The following ADAMTS2 variants were observed in gnomAD, a reference collection of about 807,000 sequenced individuals.
The protein encoded by ADAMTS2 is ADAM metallopeptidase with thrombospondin type 1 motif 2, also known as A disintegrin and metalloproteinase with thrombospondin motifs 2.
A neutral mutation model predicts 123.0 loss-of-function variants in ADAMTS2; 50 were observed. The ratio of observed to expected loss-of-function variants is 0.41; its 90% CI spans 0.32 to 0.51. The LOEUF (loss-of-function observed/expected upper bound fraction) is 0.51. Among genes scored for constraint, ADAMTS2 ranks in the 20% least tolerant of loss-of-function variants. The pLI, the probability that ADAMTS2 is intolerant of heterozygous loss-of-function variation, is 0.35. For missense variants in ADAMTS2, 1,494 were observed against 1,705.2 expected, an observed-to-expected ratio of 0.88 and a Z score of 2.18; for synonymous variants, 678 against 695.4, an observed-to-expected ratio of 0.98 and a Z score of 0.39.
intron 19 of ADAMTS2, among the ~76,000 whole-genome samples, chr5:179,124,430 C>T (rs1561767154): frequency 1.3e-5 from 2 of 152,164 alleles, no homozygotes; most frequent in East Asian, 1.9e-4. Flanking sequence ...TTTGTCCCCT[C>T]CCACCTCTGC....
intron 2 of ADAMTS2, among the ~76,000 whole-genome samples, chr5:179,300,846 GC>G (rs1756495644): frequency 6.6e-6 from 1 of 152,230 alleles, no homozygotes; most frequent in South Asian, 2.1e-4. Context: ...ACGCAAGCCA[GC>G]AGACAGATAA....
intron 10 of ADAMTS2, among the ~76,000 whole-genome samples, chr5:179,143,398 G>A (rs931446090): frequency 1.3e-4 from 20 of 148,944 alleles, no homozygotes; most frequent in Non-Finnish European, 1.0e-4. Context: ...GCGCCACTGC[G>A]CTCCAGGCTG....
rs1756008629 is a variant in ADAMTS2 at position 179,285,990 on chromosome 5, G to T, written c.535-12926C>A. Among the ~76,000 whole-genome samples, 1 of 152,014 alleles carries T rather than the reference G, an allele frequency of 6.6e-6. No homozygotes were observed. The highest frequency in any genetic ancestry group is 1.5e-5 in the Non-Finnish European group (1 of 67,982). Reference sequence around the variant, plus strand: ...GCACTTTGGGAGGCCGAGGCAGGCGGATCACCTGAGGTCAGGAGTTTGAGA... The same window carrying T: ...GCACTTTGGGAGGCCGAGGCAGGCGTATCACCTGAGGTCAGGAGTTTGAGA... On this transcript the variant is annotated intron_variant, in intron 2 of 21. Coordinates refer to ENST00000251582, the MANE Select transcript of ADAMTS2 (RefSeq NM_014244.5). This position sits in a 1 kb window ranked among gnomAD's most constrained non-coding sequence, Gnocchi z 4.9.
In ADAMTS2 at chr5:179,158,398, G is replaced by A. The variant is rs1763527157; in HGVS notation, c.1132+325C>T. 6.6e-6 allele frequency among the ~76,000 whole-genome samples: 1 copy of A among 152,202 alleles called. No homozygotes were observed. The highest frequency in any genetic ancestry group is 1.5e-5 in the Non-Finnish European group (1 of 68,040). ...GTGAGATGCTCTCTGTCTATAGAGTGAGTGGAGGTGACAGGCCTCCTTTCT... is the reference window on the plus strand; with the variant it reads ...GTGAGATGCTCTCTGTCTATAGAGTAAGTGGAGGTGACAGGCCTCCTTTCT... On this transcript the variant is annotated intron_variant, in intron 6 of 21. Coordinates refer to ENST00000251582, the MANE Select transcript of ADAMTS2 (RefSeq NM_014244.5). The surrounding 1 kb of genome is among the most constrained non-coding windows in gnomAD (Gnocchi z 5.0).
Position 179,150,251 on chromosome 5 carries a change from C to T in ADAMTS2, c.1629+1891G>A, listed in dbSNP as rs991883044. Among the ~76,000 whole-genome samples the T allele has an allele frequency of 3.3e-5, 5 of 152,168 alleles. No homozygotes were observed. The South Asian group carries it at 1.0e-3, about 32-fold the overall frequency. On this transcript the variant is annotated intron_variant, in intron 10 of 21. Transcript: ENST00000251582. ...GCCATGCTTAGCTGGCCTTGTTCTC[C>T]AACTCAGCTTTTCCGAAGCTCCCCC...
chr5:179,300,607 C>T (rs1381275121), intron 2 of ADAMTS2, among the ~76,000 whole-genome samples: 2 of 152,160 alleles, frequency 1.3e-5, no homozygotes, highest in Non-Finnish European at 2.9e-5. Flanking sequence ...GCCAGACCCC[C>T]CTTCACTTCT....
intron 4 of ADAMTS2, among the ~76,000 whole-genome samples, chr5:179,198,478 C>T (rs1450946931): frequency 2.0e-5 from 3 of 152,216 alleles, no homozygotes; most frequent in Admixed American, 2.0e-4. Context: ...CGCTGAGCCT[C>T]AGGAGACCAG....
At chr5:179,199,779 G>A (rs1423782985) in intron 4 of ADAMTS2, among the ~76,000 whole-genome samples, 1 of 152,152 alleles carries the variant, frequency 6.6e-6, no homozygotes, top group Non-Finnish European at 1.5e-5. Flanking sequence ...ACCCATCAGG[G>A]ATCAGCCACA....
In ADAMTS2 at chr5:179,306,585, A is replaced by T. The variant is rs534964500; in HGVS notation, c.535-33521T>A. 5.9e-5 allele frequency among the ~76,000 whole-genome samples: 9 copies of T among 152,272 alleles called. No homozygotes were observed. The East Asian group carries it at 1.5e-3, about 26-fold the overall frequency. ...CTCAACCTTGGGTTGAGTCCTAGAC[A>T]GCACCTCTGTACACACCCAGCACCC... On this transcript the variant is annotated intron_variant, in intron 2 of 21. Coordinates refer to ENST00000251582, the MANE Select transcript of ADAMTS2 (RefSeq NM_014244.5).
chr5:179,168,452 G>T (rs541232357), intron 5 of ADAMTS2, among the ~76,000 whole-genome samples: 1 of 152,318 alleles, frequency 6.6e-6, no homozygotes, highest in East Asian at 1.9e-4. Context: ...TGGAGCCAGG[G>T]TCCTCACTGT....
chr5:179,130,112 G>A lies in ADAMTS2; in HGVS notation c.2291-14C>T. On this transcript the variant is annotated splice_polypyrimidine_tract_variant and intron_variant, in intron 15 of 21. Transcript: ENST00000251582. This position sits in a 1 kb window ranked among gnomAD's most constrained non-coding sequence, Gnocchi z 4.3. ...GGTTCTTGACGGCTGAGAATGGCAAGACCAAGTCCCCCGTTGTGGTCACCC... is the reference window on the plus strand; with the variant it reads ...GGTTCTTGACGGCTGAGAATGGCAAAACCAAGTCCCCCGTTGTGGTCACCC... 6.2e-7 allele frequency: 1 copy of A among 1,613,850 alleles called. No homozygotes were observed. Among genetic ancestry groups the A allele is most frequent in the Non-Finnish European group, 8.5e-7 (1 of 1,180,026 alleles).
intron 3 of ADAMTS2, among the ~76,000 whole-genome samples, chr5:179,267,424 G>A (rs1157594066): frequency 6.6e-6 from 1 of 152,276 alleles, no homozygotes; most frequent in African/African-American, 2.4e-5. Flanking sequence ...GCAGCAGGCA[G>A]AGGCTTGGCA....
Position 179,138,070 on chromosome 5 carries a change from G to A in ADAMTS2, c.1776-126C>T, listed in dbSNP as rs1561773859. On this transcript the variant is annotated intron_variant, in intron 11 of 21. Coordinates refer to ENST00000251582, the MANE Select transcript of ADAMTS2 (RefSeq NM_014244.5). ...GGTGTCCGGGGGGCAGCTCTGCTGA[G>A]CAAAGGGACCTTGCCCTGCCATGTC... 1.2e-5 allele frequency: 13 copies of A among 1,098,488 alleles called. No individual in the cohort carries two copies. In the East Asian group the frequency reaches 3.4e-4, roughly 28 times the overall value. 68.0% of individuals were successfully genotyped at this position (1,098,488 alleles called of 1,614,324 possible).
intron 3 of ADAMTS2, among the ~76,000 whole-genome samples, chr5:179,268,847 G>A (rs1766445171): frequency 6.6e-6 from 1 of 152,208 alleles, no homozygotes; most frequent in Non-Finnish European, 1.5e-5. Context: ...CGGGTGTGCT[G>A]TGCACTGCGT....
Position 179,118,863 on chromosome 5 carries a change from G to T in ADAMTS2, c.3178+2798C>A, listed in dbSNP as rs1039165420. The stretch of plus-strand genomic sequence containing the variant: ...CACCATAAAGCATAAAGGGAACTAG[G>T]AAGGGACCGCTCAGTGCAGTGCAGC... On this transcript the variant is annotated intron_variant, in intron 21 of 21. Coordinates refer to ENST00000251582, the MANE Select transcript of ADAMTS2 (RefSeq NM_014244.5). The surrounding 1 kb of genome is among the most constrained non-coding windows in gnomAD (Gnocchi z 4.5). 1.3e-5 allele frequency among the ~76,000 whole-genome samples: 2 copies of T among 152,198 alleles called. No homozygotes were observed. The highest frequency in any genetic ancestry group is 4.8e-5 in the African/African-American group (2 of 41,444).
At chr5:179,294,675 G>T (rs959445069) in intron 2 of ADAMTS2, among the ~76,000 whole-genome samples, 1 of 152,254 alleles carries the variant, frequency 6.6e-6, no homozygotes, top group Non-Finnish European at 1.5e-5. Flanking sequence ...CATCCGCAGG[G>T]TGGCCCCTGC....
In ADAMTS2 at chr5:179,207,516, G is replaced by A; in HGVS notation, c.888C>T (p.Asn296=). The A allele has an allele frequency of 9.3e-7, 1 of 1,074,620 alleles. No homozygotes were observed. The highest frequency in any genetic ancestry group is 1.3e-6 in the Non-Finnish European group (1 of 754,552). 66.6% of individuals were successfully genotyped at this position (1,074,620 alleles called of 1,614,324 possible). The change falls in exon 4 of 22, where the codon AAC becomes AAT. Residue 296 remains asparagine, a synonymous_variant. Transcript: ENST00000251582. ...CCCCCTCAGCCACCCCACTCACAAT[G>A]TTCATGAGTGTCAGCAGGTACTTCT... is the stretch of plus-strand genomic sequence containing the variant. The part of the protein sequence containing the change: ...HVQKYLLTLM[N]IVNEIYHDES...
At chr5:179,163,751 G>A (rs1223605259) in intron 5 of ADAMTS2, among the ~76,000 whole-genome samples, 1 of 152,202 alleles carries the variant, frequency 6.6e-6, no homozygotes, top group African/African-American at 2.4e-5. Flanking sequence ...ATATTGATTT[G>A]TGTTTTTGTT....
In ADAMTS2 at chr5:179,147,853, G is replaced by A. The variant is rs111386000; in HGVS notation, c.1629+4289C>T. ...CACGGGAGGAGAATTGTATCAATGA[G>A]AAGCAGGAATGAAAAGAGAAGTGCT... is the stretch of plus-strand genomic sequence containing the variant. On this transcript the variant is annotated intron_variant, in intron 10 of 21. Coordinates refer to ENST00000251582, the MANE Select transcript of ADAMTS2 (RefSeq NM_014244.5). Among the ~76,000 whole-genome samples the A allele has an allele frequency of 5.8e-3, 876 of 152,310 alleles. 9 individuals are homozygous for A. Among genetic ancestry groups the A allele is most frequent in the African/African-American group, 0.02 (835 of 41,566 alleles).
Sources: gnomAD v4.1 joint callset for allele counts (sites outside exome capture counted in the v4.1 genomes callset) on GRCh38, gnomAD v4.1.1 for gene constraint, Gnocchi (gnomAD v3.1) non-coding constraint, MANE v1.5 for transcripts, NCBI Gene and HGNC (gene_info 2026-07-23, HGNC 2026-07-21) for gene names.